The following TEFM variants were observed in gnomAD, a reference collection of about 807,000 sequenced individuals.
The protein encoded by TEFM is transcription elongation factor, mitochondrial.
In TEFM, 14 loss-of-function variants were observed where a neutral mutation model predicts 23.0. The observed-to-expected ratio is 0.61, with a 90% CI of 0.40 to 0.95. The LOEUF is 0.95. Among genes scored for constraint, TEFM ranks in the 40% least tolerant of loss-of-function variants. The pLI, the probability that TEFM is intolerant of heterozygous loss-of-function variation, is 0.00. For synonymous variants in TEFM, 155 were observed against 158.3 expected (o/e 0.98, Z 0.16); for missense variants, 386 against 425.5 (o/e 0.91, Z 0.82).
intron 2 of TEFM, 76 bp from the exon 3 acceptor site, chr17:30,900,638 G>A (rs1910022655): frequency 7.3e-7 from 1 of 1,362,378 alleles, no homozygotes; most frequent in Non-Finnish European, 1.0e-6. Context: ...GTCTCGCTCT[G>A]TCTCCCAGGC....
At chr17:30,901,057 C>T (rs912756821) in intron 2 of TEFM, among the ~76,000 whole-genome samples, 8 of 152,110 alleles carry the variant, frequency 5.3e-5, no homozygotes, top group Admixed American at 3.9e-4. Context: ...GAGTCTCGTT[C>T]TGTCACCCAG....
In TEFM at chr17:30,904,282, T is replaced by A. The variant is rs1372661123; in HGVS notation, c.279A>T (p.Gly93=). 1 of 1,614,226 alleles carries A rather than the reference T, an allele frequency of 6.2e-7. No individual in the cohort carries two copies. The highest frequency in any genetic ancestry group is 1.1e-5 in the South Asian group (1 of 91,082). Residue 93 remains glycine, a synonymous_variant, in exon 2 of 4, where the codon GGA becomes GGT. Coordinates refer to ENST00000581216, the MANE Select transcript of TEFM (RefSeq NM_024683.4). ...GCTCTACGATATTGATGGACCTTCTTCCACGAAGCAATCGGAAAGCTTCAA... is the reference window on the plus strand; with the variant it reads ...GCTCTACGATATTGATGGACCTTCTACCACGAAGCAATCGGAAAGCTTCAA... The part of the protein sequence containing the change: ...KELEAFRLLR[G]RRSINIVEHR...
intron 3 of TEFM, 116 bp from the exon 4 acceptor site, chr17:30,899,722 T>C (rs1021041063): frequency 5.6e-6 from 4 of 712,268 alleles, no homozygotes; most frequent in African/African-American, 1.8e-5. Flanking sequence ...TTATACTATA[T>C]TGACAATTTT....
Position 30,904,363 on chromosome 17 carries a change from A to G in TEFM, c.198T>C (p.Ser66=). 6.2e-7 allele frequency: 1 copy of G among 1,614,228 alleles called. No homozygotes were observed. The highest frequency in any genetic ancestry group is 8.5e-7 in the Non-Finnish European group (1 of 1,180,042). Residue 66 remains serine (S), a synonymous_variant, in exon 2 of 4, where the codon TCT becomes TCC. Coordinates refer to ENST00000581216, the MANE Select transcript of TEFM (RefSeq NM_024683.4). Reference sequence around the variant, plus strand: ...GCAAGATGGAAGCCTGCTGTTCTGAAGAGAAGAGCTTGTCAAGTGCATTTT... The same window carrying G: ...GCAAGATGGAAGCCTGCTGTTCTGAGGAGAAGAGCTTGTCAAGTGCATTTT... ...EPENALDKLF[S]SEQQASILHV...
chr17:30,900,596 A>G lies in TEFM; in HGVS notation c.496-34T>C, dbSNP rs1256655144. 2.5e-6 allele frequency: 4 copies of G among 1,587,080 alleles called. No individual in the cohort carries two copies. In the African/African-American group the frequency reaches 4.1e-5, roughly 16 times the overall value. On this transcript the variant is annotated intron_variant, in intron 2 of 3. Coordinates refer to ENST00000581216, the MANE Select transcript of TEFM (RefSeq NM_024683.4). ...AAAGACTGATTTAATTAGAAGTATA[A>G]ACATTTTAGTTTTTTCTTTTTTTGA...
At chr17:30,900,292 G>T in intron 3 of TEFM, 121 bp downstream of exon 3, 1 of 954,866 alleles carries the variant, frequency 1.0e-6, no homozygotes, top group South Asian at 2.0e-5. Context: ...AGGAATAAGT[G>T]AGTAACAAGT....
At position 30,904,643 on chromosome 17, in the gene TEFM, C is replaced by A. The variant is rs796067132; in HGVS notation, c.32-114G>T. The A allele has an allele frequency of 2.3e-5, 16 of 684,888 alleles. No homozygotes were observed. In the African/African-American group the frequency reaches 2.7e-4, roughly 12 times the overall value. 42.4% of individuals were successfully genotyped at this position (684,888 alleles called of 1,614,324 possible). On this transcript the variant is annotated intron_variant, in intron 1 of 3. Coordinates refer to ENST00000581216, the MANE Select transcript of TEFM (RefSeq NM_024683.4). The stretch of plus-strand genomic sequence containing the variant: ...CAAATACTTTCCTGGAATTTAAGAA[C>A]TAATAGAGGACAATATTAAATTGTC...
Position 30,899,016 on chromosome 17 carries a change from G to T in TEFM, c.*153C>A. ...TAAAATGTTTATTGATTTGGTCTTG[G>T]CTTATTGTGTAAACCATTTAATAGC... On this transcript the variant is annotated 3_prime_UTR_variant, in exon 4 of 4. Coordinates refer to ENST00000581216, the MANE Select transcript of TEFM (RefSeq NM_024683.4). 1.4e-6 allele frequency: 1 copy of T among 711,844 alleles called. No homozygotes were observed. Among genetic ancestry groups the T allele is most frequent in the Non-Finnish European group, 2.3e-6 (1 of 432,836 alleles). 44.1% of individuals were successfully genotyped at this position (711,844 alleles called of 1,614,324 possible). A position where few individuals can be genotyped will look rare whatever the true frequency, so the allele number is the denominator to read the frequency against.
intron 2 of TEFM, among the ~76,000 whole-genome samples, chr17:30,903,207 A>G (rs1910083877): frequency 6.6e-6 from 1 of 151,462 alleles, no homozygotes; most frequent in Non-Finnish European, 1.5e-5. Flanking sequence ...GACAATAGAA[A>G]AAGAATTGCT....
At position 30,903,618 on chromosome 17, in the gene TEFM, G is replaced by A. The variant is rs572649235; in HGVS notation, c.495+448C>T. On this transcript the variant is annotated intron_variant, in intron 2 of 3. Coordinates refer to ENST00000581216, the MANE Select transcript of TEFM (RefSeq NM_024683.4). Reference sequence around the variant, plus strand: ...ACAGAAAATAATTTTAAATTCTGCCGGAAAGACTGGTATAATGTTCTAAAG... The same window carrying A: ...ACAGAAAATAATTTTAAATTCTGCCAGAAAGACTGGTATAATGTTCTAAAG... Among the ~76,000 whole-genome samples, 6 of 151,260 alleles carry A rather than the reference G, an allele frequency of 4.0e-5. No individual in the cohort carries two copies. In the South Asian group the frequency reaches 8.4e-4, roughly 21 times the overall value.
In TEFM at chr17:30,903,288, G is replaced by T. The variant is rs372880771; in HGVS notation, c.495+778C>A. 2.8e-5 allele frequency among the ~76,000 whole-genome samples: 4 copies of T among 144,568 alleles called. No individual in the cohort carries two copies. In the East Asian group the frequency reaches 8.3e-4, roughly 30 times the overall value. The allele number at this position is 144,568 out of a possible 152,430, so 94.8% of individuals were successfully genotyped here. On this transcript the variant is annotated intron_variant, in intron 2 of 3. Coordinates refer to ENST00000581216, the MANE Select transcript of TEFM (RefSeq NM_024683.4). ...TGTAGCCAGGCTGGAGTGCACTGGCGTGATGTCAGCTCACTGCAACCTCTG... is the reference window on the plus strand; with the variant it reads ...TGTAGCCAGGCTGGAGTGCACTGGCTTGATGTCAGCTCACTGCAACCTCTG...
Position 30,904,533 on chromosome 17 carries a change from A to G in TEFM, c.32-4T>C. The stretch of plus-strand genomic sequence containing the variant: ...GTCAGAAAGCATCTCCACCTCTCTA[A>G]AAGGAAAATTTAGCAAAATATAAGT... On this transcript the variant is annotated splice_region_variant and splice_polypyrimidine_tract_variant and intron_variant, in intron 1 of 3. Transcript: ENST00000581216. The G allele has an allele frequency of 6.3e-7, 1 of 1,585,874 alleles. No homozygotes were observed. The highest frequency in any genetic ancestry group is 8.6e-7 in the Non-Finnish European group (1 of 1,167,182).
chr17:30,902,456 T>A (rs1457898326), intron 2 of TEFM, among the ~76,000 whole-genome samples: 1 of 152,182 alleles, frequency 6.6e-6, no homozygotes, highest in African/African-American at 2.4e-5. Context: ...TATATCTCCA[T>A]AAAAACTGAC....
At chr17:30,902,030 T>G (rs1910057097) in intron 2 of TEFM, among the ~76,000 whole-genome samples, 1 of 152,180 alleles carries the variant, frequency 6.6e-6, no homozygotes, top group Non-Finnish European at 1.5e-5. Context: ...TGTTTTGGTT[T>G]GTTTTTAATG....
chr17:30,900,486 A>G lies in TEFM; in HGVS notation c.572T>C (p.Val191Ala). 6.2e-7 allele frequency: 1 copy of G among 1,614,232 alleles called. No homozygotes were observed. The change falls in exon 3 of 4, where the codon GTG (valine) becomes GCG (alanine). Residue 191 changes from valine (V) to alanine (A), a missense_variant. By Grantham distance (64) the Val-to-Ala change is moderately conservative. Transcript: ENST00000581216. ...ACGGTCACTTTGCTGCCAGTCCAGC[A>G]CTGTCAACTTACGATCAAGGTGAGC... ...AWAHLDRKLTVLDWQQSDRWS... is the reference protein window; with the variant it reads ...AWAHLDRKLTALDWQQSDRWS...
At position 30,904,272 on chromosome 17, in the gene TEFM, T is replaced by C. The variant is rs1254197767; in HGVS notation, c.289A>G (p.Ile97Val). Residue 97 changes from isoleucine (I) to valine (V), a missense_variant, in exon 2 of 4, where the codon ATC (isoleucine) becomes GTC (valine). By Grantham distance (29) the Ile-to-Val change is conservative. Coordinates refer to ENST00000581216, the MANE Select transcript of TEFM (RefSeq NM_024683.4). ...TTTTCTCTGTGCTCTACGATATTGATGGACCTTCTTCCACGAAGCAATCGG... is the reference window on the plus strand; with the variant it reads ...TTTTCTCTGTGCTCTACGATATTGACGGACCTTCTTCCACGAAGCAATCGG... ...AFRLLRGRRS[I>V]NIVEHRENFG... The C allele has an allele frequency of 1.2e-6, 2 of 1,614,252 alleles. No homozygotes were observed. The highest frequency in any genetic ancestry group is 1.7e-6 in the Non-Finnish European group (2 of 1,180,050).
At chr17:30,900,386 A>C (rs140950131) in intron 3 of TEFM, 27 bp downstream of exon 3, 1 of 1,609,638 alleles carries the variant, frequency 6.2e-7, no homozygotes, top group African/African-American at 1.3e-5. Context: ...TCTAGCAGGT[A>C]GGAATCTGGA....
chr17:30,899,794 A>G (rs1909998740), intron 3 of TEFM, 188 bp from the exon 4 acceptor site: 3 of 425,640 alleles, frequency 7.0e-6, no homozygotes, highest in Non-Finnish European at 1.2e-5. Flanking sequence ...TGTCACAACA[A>G]CAGCTAAGCT....
At chr17:30,902,924 C>T (rs1034464966) in intron 2 of TEFM, among the ~76,000 whole-genome samples, 6 of 151,290 alleles carry the variant, frequency 4.0e-5, no homozygotes, top group African/African-American at 1.5e-4. Flanking sequence ...AGGTGGATCA[C>T]GAGGTCAACA....
Sources: allele counts gnomAD v4.1 joint callset (sites outside exome capture counted in the v4.1 genomes callset), GRCh38; gene constraint gnomAD v4.1.1; transcripts MANE v1.5; gene names NCBI Gene and HGNC (gene_info 2026-07-23, HGNC 2026-07-21).